The following CPVL variants were observed in gnomAD, a reference collection of about 807,000 sequenced individuals.
CPVL encodes carboxypeptidase vitellogenic like, also known as probable serine carboxypeptidase CPVL.
Under a neutral mutation model 63.7 loss-of-function variants are expected in CPVL, and 51 were observed. The ratio of observed to expected loss-of-function variants is 0.80; its 90% CI spans 0.64 to 1.01. The LOEUF (loss-of-function observed/expected upper bound fraction) is 1.01. CPVL is among the 50% of genes least tolerant of loss of function. CPVL has a pLI of 0.00. For missense variants in CPVL, 530 were observed against 573.1 expected (o/e 0.92, Z 0.77); for synonymous variants, 195 against 206.0 (o/e 0.95, Z 0.46).
chr7:29,027,607 A>T (rs779867269), intron 12 of CPVL, among the ~76,000 whole-genome samples: 37 of 152,348 alleles, frequency 2.4e-4, no homozygotes, highest in Non-Finnish European at 4.1e-4. Context: ...ACAATTTTAG[A>T]ACTGATAAAT....
At chr7:29,105,755 G>T (rs1787659739) in intron 3 of CPVL, among the ~76,000 whole-genome samples, 1 of 152,110 alleles carries the variant, frequency 6.6e-6, no homozygotes, top group Non-Finnish European at 1.5e-5. Flanking sequence ...AGACACCCTT[G>T]GGCAAAAGTG....
intron 5 of CPVL, among the ~76,000 whole-genome samples, chr7:29,170,864 T>G (rs1005033068): frequency 2.6e-5 from 4 of 152,146 alleles, no homozygotes; most frequent in Non-Finnish European, 5.9e-5. Flanking sequence ...AGAGAGAGCT[T>G]GTGCAGGAAA....
At chr7:28,995,909 A>C (rs1157002548) in intron 12 of CPVL, 27 bp from the exon 13 acceptor site, 2 of 1,237,082 alleles carry the variant, frequency 1.6e-6, no homozygotes. Context: ...AAAAGAACGG[A>C]AATTTAGAGA....
chr7:29,112,656 C>T (rs574131507), intron 3 of CPVL, 48 bp downstream of exon 3: 24 of 1,274,136 alleles, frequency 1.9e-5, no homozygotes, highest in Middle Eastern at 2.4e-4. Flanking sequence ...TACCCTCAAA[C>T]GGCAAGCCAG....
Position 29,030,470 on chromosome 7 carries a change from T to C in CPVL, c.1320+107A>G, listed in dbSNP as rs1387701703. On this transcript the variant is annotated intron_variant, in intron 12 of 12. Transcript: ENST00000265394. Reference sequence around the variant, plus strand: ...GGCCACAGAAGACACACACTGGCTGTTGTATGGCTTTGCTTAAGGTCGGCC... The same window carrying C: ...GGCCACAGAAGACACACACTGGCTGCTGTATGGCTTTGCTTAAGGTCGGCC... 5.7e-6 allele frequency: 6 copies of C among 1,044,718 alleles called. No individual in the cohort carries two copies. In the African/African-American group the frequency reaches 6.3e-5, roughly 11 times the overall value. The allele number at this position is 1,044,718 out of a possible 1,614,324, so 64.7% of individuals were successfully genotyped here. A position where few individuals can be genotyped will look rare whatever the true frequency, so the allele number is the denominator to read the frequency against.
chr7:28,997,877 T>C (rs1055970766), intron 12 of CPVL, among the ~76,000 whole-genome samples: 4 of 151,622 alleles, frequency 2.6e-5, no homozygotes, highest in Non-Finnish European at 5.9e-5. Flanking sequence ...GGGAGGCAGA[T>C]CCCATTTGCA....
In CPVL at chr7:29,066,130, GGA is replaced by G; in HGVS notation, c.865-11_865-10del. The G allele has an allele frequency of 7.5e-7, 1 of 1,331,172 alleles. No individual in the cohort carries two copies. Among genetic ancestry groups the G allele is most frequent in the Non-Finnish European group, 1.1e-6 (1 of 936,634 alleles). 82.5% of individuals were successfully genotyped at this position (1,331,172 alleles called of 1,614,324 possible). On this transcript the variant is annotated splice_polypyrimidine_tract_variant and intron_variant, in intron 9 of 12. Transcript: ENST00000265394. ...AGTAGTTTATCCAGTATCTAGGTTG[GGA>G]GAGAGGGAGAAAGAAAGAAAGAAAG... is the stretch of plus-strand genomic sequence containing the variant.
Position 29,096,110 on chromosome 7 carries a change from G to A in CPVL, c.396C>T (p.Asn132=), listed in dbSNP as rs759013327. Residue 132 remains asparagine, a synonymous_variant, in exon 4 of 13, where the codon AAC becomes AAT. Transcript: ENST00000265394. The stretch of plus-strand genomic sequence containing the variant: ...AGTGCAAGGGATACTTACAGGTCAT[G>A]TTACTTGTGACAACATAAGGCCCAT... The part of the protein sequence containing the change: ...VEHGPYVVTS[N]MTLRDRDFPW... 6.8e-6 allele frequency: 11 copies of A among 1,612,638 alleles called. No individual in the cohort carries two copies. The highest frequency in any genetic ancestry group is 9.3e-6 in the Non-Finnish European group (11 of 1,178,602).
chr7:29,010,597 T>A (rs1234621533), intron 12 of CPVL: 8 of 152,226 alleles, frequency 5.3e-5, no homozygotes, highest in Non-Finnish European at 8.8e-5. Context: ...TAAAACTGGA[T>A]ACAGCTGTGG....
At chr7:29,194,961 C>G in intron 1 of CPVL, 1 of 1,584,284 alleles carries the variant, frequency 6.3e-7, no homozygotes. Context: ...TCCAGCAACT[C>G]CAGCCTGTCC....
chr7:29,164,048 T>C (rs922173615), intron 5 of CPVL, among the ~76,000 whole-genome samples: 1 of 152,246 alleles, frequency 6.6e-6, no homozygotes. Flanking sequence ...TTGACACATA[T>C]AGTAGAGAAT....
chr7:29,142,919 T>C (rs1292685897), intron 1 of CPVL, among the ~76,000 whole-genome samples: 7 of 152,236 alleles, frequency 4.6e-5, no homozygotes, highest in Non-Finnish European at 1.0e-4. Context: ...CAAGTGCTAT[T>C]CTACTTCCTT....
rs191601672 is a variant in CPVL at position 29,042,767 on chromosome 7, G to A, written c.1138-12008C>T. ...GATCCTTCCCAGCTAAAGTGGTCCC[G>A]AATGCCAGCAGAGAGCAGGACAGCC... On this transcript the variant is annotated intron_variant, in intron 11 of 12. Transcript: ENST00000265394. Among the ~76,000 whole-genome samples the A allele has an allele frequency of 3.1e-3, 470 of 152,284 alleles. 3 individuals are homozygous for A. The highest frequency in any genetic ancestry group is 0.011 in the African/African-American group (447 of 41,552).
intron 4 of CPVL, among the ~76,000 whole-genome samples, chr7:29,181,658 C>T (rs1451630944): frequency 1.3e-5 from 2 of 152,028 alleles, no homozygotes; most frequent in Non-Finnish European, 2.9e-5. Flanking sequence ...TTTATTATGG[C>T]CTCCAACTAG....
Position 28,995,913 on chromosome 7 carries a change from T to C in CPVL, c.1321-31A>G, listed in dbSNP as rs2302028. The C allele has an allele frequency of 2.0e-3, 2,559 of 1,254,546 alleles. 62 individuals are homozygous for C. In the East Asian group the frequency reaches 0.051, roughly 25 times the overall value. The allele number at this position is 1,254,546 out of a possible 1,614,324, so 77.7% of individuals were successfully genotyped here. On this transcript the variant is annotated intron_variant, in intron 12 of 12. Coordinates refer to ENST00000265394, the MANE Select transcript of CPVL (RefSeq NM_031311.5). ...AAAGAAAAAGTAAAAGAACGGAAAT[T>C]TAGAGAAATGGATATTCTAAATACA... is the stretch of plus-strand genomic sequence containing the variant.
chr7:29,123,616 AAAAAAAAAAAAAATATATATATATAT>A lies in CPVL; in HGVS notation c.-10-2571_-10-2546del, dbSNP rs1220047336. Among the ~76,000 whole-genome samples the A allele has an allele frequency of 1.3e-3, 116 of 87,776 alleles. 1 individual carries two copies. The highest frequency in any genetic ancestry group is 7.1e-3 in the African/African-American group (115 of 16,298). 57.6% of individuals were successfully genotyped at this position (87,776 alleles called of 152,430 possible). A position where few individuals can be genotyped will look rare whatever the true frequency, so the allele number is the denominator to read the frequency against. On this transcript the variant is annotated intron_variant, in intron 1 of 12. Transcript: ENST00000265394. ...GGTTCAGAAAAAAAAAAAAAAAAAAAAAAAAAAAAAAAATATATATATATATATATATATATATATGCAATATTAAA... is the reference window on the plus strand; with the variant it reads ...GGTTCAGAAAAAAAAAAAAAAAAAAAATATATATATATATGCAATATTAAA...
rs141038406 is a variant in CPVL at position 29,108,668 on chromosome 7, T to C, written c.288+4036A>G. On this transcript the variant is annotated intron_variant, in intron 3 of 12. Coordinates refer to ENST00000265394, the MANE Select transcript of CPVL (RefSeq NM_031311.5). The stretch of plus-strand genomic sequence containing the variant: ...ACAATAGCAACTATAGTTACTATGT[T>C]TTAGGTGCCACTCTAATGCTTTCCC... Among the ~76,000 whole-genome samples the C allele has an allele frequency of 8.7e-3, 1,330 of 152,342 alleles. 9 individuals are homozygous for C. Among genetic ancestry groups the C allele is most frequent in the Admixed American group, 0.016 (244 of 15,302 alleles).
At chr7:29,053,187 C>G (rs1790376979) in intron 11 of CPVL, among the ~76,000 whole-genome samples, 1 of 152,104 alleles carries the variant, frequency 6.6e-6, no homozygotes, top group Non-Finnish European at 1.5e-5. Flanking sequence ...GAAACTGGAA[C>G]TTCAAAATGT....
intron 11 of CPVL, among the ~76,000 whole-genome samples, chr7:29,035,425 TGAGA>T (rs774927482): frequency 6.6e-6 from 1 of 152,204 alleles, no homozygotes; most frequent in East Asian, 1.9e-4. Context: ...TGCTGGAAAC[TGAGA>T]GTTAGTTGCA....
Sources: allele counts gnomAD v4.1 joint callset (sites outside exome capture counted in the v4.1 genomes callset), GRCh38; gene constraint gnomAD v4.1.1; transcripts MANE v1.5; gene names NCBI Gene and HGNC (gene_info 2026-07-23, HGNC 2026-07-21).